PLCL1: variants seen among roughly 807,000 people sequenced by gnomAD.
PLCL1 encodes the protein inactive phospholipase C-like protein 1.
A neutral mutation model predicts 84.4 loss-of-function variants in PLCL1; 41 were observed. The observed-to-expected ratio is 0.49, with a 90% CI of 0.38 to 0.63. The LOEUF is 0.63. Ranked by LOEUF, PLCL1 falls within the 30% of genes least tolerant of loss-of-function variation. PLCL1 has a pLI of 0.00. For missense variants in PLCL1, 1,206 were observed against 1,367.8 expected (o/e 0.88, Z 1.87); for synonymous variants, 490 against 488.3 (o/e 1.00, Z -0.05).
chr2:198,019,579 T>C (rs1239111968), intron 1 of PLCL1, among the ~76,000 whole-genome samples: 1 of 152,074 alleles, frequency 6.6e-6, no homozygotes, highest in Non-Finnish European at 1.5e-5. Flanking sequence ...CCCAAGAATT[T>C]CATGAAGCAT....
intron 1 of PLCL1, among the ~76,000 whole-genome samples, chr2:197,921,264 T>G (rs1181608077): frequency 6.6e-6 from 1 of 152,206 alleles, no homozygotes; most frequent in African/African-American, 2.4e-5. Context: ...CTGTATTTCT[T>G]CTGAAAATTT....
At chr2:197,823,208 T>C (rs1468343555) in intron 1 of PLCL1, among the ~76,000 whole-genome samples, 3 of 152,138 alleles carry the variant, frequency 2.0e-5, no homozygotes, top group Admixed American at 6.6e-5. Context: ...ATTTTCTTAA[T>C]AACTATGTGA....
chr2:197,970,638 G>A (rs1352685954), intron 1 of PLCL1, among the ~76,000 whole-genome samples: 1 of 152,174 alleles, frequency 6.6e-6, no homozygotes, highest in African/African-American at 2.4e-5. Context: ...TTTACCTGGT[G>A]CTTTTTACTT....
At chr2:198,072,428 A>G (rs1473830346) in intron 1 of PLCL1, among the ~76,000 whole-genome samples, 1 of 151,878 alleles carries the variant, frequency 6.6e-6, no homozygotes, top group Non-Finnish European at 1.5e-5. Context: ...AGTAATAATG[A>G]TCTGTCACTT....
At chr2:198,006,902 C>G (rs910884418) in intron 1 of PLCL1, among the ~76,000 whole-genome samples, 1 of 152,132 alleles carries the variant, frequency 6.6e-6, no homozygotes, top group South Asian at 2.1e-4. Context: ...CTTTCATTTT[C>G]CTAGGAAGGT....
At chr2:198,020,014 A>G (rs2105838593) in intron 1 of PLCL1, among the ~76,000 whole-genome samples, 1 of 152,368 alleles carries the variant, frequency 6.6e-6, no homozygotes, top group Non-Finnish European at 1.5e-5. Flanking sequence ...CACAAAGGGA[A>G]GCCCATCAAA....
intron 1 of PLCL1, among the ~76,000 whole-genome samples, chr2:197,887,891 C>T (rs997293398): frequency 5.9e-5 from 9 of 152,026 alleles, no homozygotes; most frequent in Non-Finnish European, 1.2e-4. Context: ...ATCACTTGAG[C>T]TCAGGAGTTC....
At chr2:198,067,861 T>G (rs569032477) in intron 1 of PLCL1, among the ~76,000 whole-genome samples, 1 of 152,366 alleles carries the variant, frequency 6.6e-6, no homozygotes, top group South Asian at 2.1e-4. Context: ...TTGATTTTCA[T>G]TTTTGAACAC....
chr2:198,055,247 C>T (rs1211533297), intron 1 of PLCL1, among the ~76,000 whole-genome samples: 4 of 151,006 alleles, frequency 2.6e-5, no homozygotes, highest in African/African-American at 9.7e-5. Context: ...TTGATTTAAA[C>T]TCTTAAACCC....
chr2:197,911,852 T>G (rs1033711815), intron 1 of PLCL1, among the ~76,000 whole-genome samples: 1 of 152,210 alleles, frequency 6.6e-6, no homozygotes, highest in Non-Finnish European at 1.5e-5. Context: ...CTTGAGTCCC[T>G]GTCAGAACAC....
intron 1 of PLCL1, among the ~76,000 whole-genome samples, chr2:197,926,125 G>T (rs1341859039): frequency 6.6e-6 from 1 of 152,122 alleles, no homozygotes; most frequent in Non-Finnish European, 1.5e-5. Context: ...CAAATAACTT[G>T]TCAAGCTTCA....
At position 198,147,072 on chromosome 2, in the gene PLCL1, G is replaced by A. The variant is rs535250832; in HGVS notation, c.*110G>A. 65 of 744,372 alleles carry A rather than the reference G, an allele frequency of 8.7e-5. No individual in the cohort carries two copies. The East Asian group carries it at 1.8e-3, about 20-fold the overall frequency. 46.1% of individuals were successfully genotyped at this position (744,372 alleles called of 1,614,324 possible). A position where few individuals can be genotyped will look rare whatever the true frequency, so the allele number is the denominator to read the frequency against. On this transcript the variant is annotated 3_prime_UTR_variant, in exon 6 of 6. Transcript: ENST00000428675. ...GTTCACAAAATGGTGCCCTATATGG[G>A]GTATTGGACATAGATATTTTCACAA... is the stretch of plus-strand genomic sequence containing the variant.
chr2:198,050,515 G>T (rs1444024405), intron 1 of PLCL1, among the ~76,000 whole-genome samples: 1 of 141,732 alleles, frequency 7.1e-6, no homozygotes, highest in African/African-American at 2.4e-5. Flanking sequence ...TATCATTTTG[G>T]GAACCTTGAG....
chr2:197,910,738 A>C (rs1241340526), intron 1 of PLCL1, among the ~76,000 whole-genome samples: 3 of 152,242 alleles, frequency 2.0e-5, no homozygotes, highest in Non-Finnish European at 4.4e-5. Context: ...ATTCAGAGTT[A>C]ATTTCTTAAC....
intron 1 of PLCL1, among the ~76,000 whole-genome samples, chr2:197,944,179 A>G (rs778328401): frequency 2.6e-5 from 4 of 152,138 alleles, no homozygotes; most frequent in African/African-American, 9.7e-5. Context: ...CGGATTTTTC[A>G]CTGAGGCCCT....
intron 1 of PLCL1, among the ~76,000 whole-genome samples, chr2:197,908,625 C>G (rs1688428093): frequency 6.6e-6 from 1 of 152,180 alleles, no homozygotes. Flanking sequence ...AACTCATCTT[C>G]TTATCAAGTC....
Position 197,918,971 on chromosome 2 carries a change from T to TCTCTCTCTCTCACACACA in PLCL1, c.240+113633_240+113634insTCTCTCTCTCACACACAC, listed in dbSNP as rs373512508. Among the ~76,000 whole-genome samples the TCTCTCTCTCTCACACACA allele has an allele frequency of 6.9e-5, 10 of 144,654 alleles. No homozygotes were observed. In the South Asian group the frequency reaches 1.6e-3, roughly 23 times the overall value. 94.9% of individuals were successfully genotyped at this position (144,654 alleles called of 152,430 possible). A position where few individuals can be genotyped will look rare whatever the true frequency, so the allele number is the denominator to read the frequency against. On this transcript the variant is annotated intron_variant, in intron 1 of 5. Coordinates refer to ENST00000428675, the MANE Select transcript of PLCL1 (RefSeq NM_006226.4). ...CTCTCTCTCTCTCTCTCTCTCTCCC[T>TCTCTCTCTCTCACACACA]CACACACACACATACACACACAAAG...
At chr2:197,837,003 T>C (rs1432153906) in intron 1 of PLCL1, among the ~76,000 whole-genome samples, 1 of 152,170 alleles carries the variant, frequency 6.6e-6, no homozygotes, top group Non-Finnish European at 1.5e-5. Context: ...CCTGGCTTTA[T>C]TGAGCAGATT....
intron 3 of PLCL1, among the ~76,000 whole-genome samples, chr2:198,097,421 C>T (rs1247684307): frequency 1.3e-5 from 2 of 152,106 alleles, no homozygotes; most frequent in Non-Finnish European, 2.9e-5. Context: ...GCTGGCTTTG[C>T]ATTCTTGAAT....
Sources: allele counts gnomAD v4.1 joint callset (sites outside exome capture counted in the v4.1 genomes callset), GRCh38; gene constraint gnomAD v4.1.1; transcripts MANE v1.5; gene names NCBI Gene and HGNC (gene_info 2026-07-23, HGNC 2026-07-21).